AKAP13: variants seen among roughly 807,000 people sequenced by gnomAD.
AKAP13 encodes the protein A-kinase anchor protein 13.
AKAP13 carries 80 observed loss-of-function variants against 264.5 expected under a neutral mutation model. The observed-to-expected ratio is 0.30, with a 90% CI of 0.25 to 0.36. The LOEUF is 0.36. Ranked by LOEUF, AKAP13 falls within the 10% of genes least tolerant of loss-of-function variation. The pLI, the probability that AKAP13 is intolerant of heterozygous loss-of-function variation, is 1.00. For synonymous variants in AKAP13, 1,380 were observed against 1,250.2 expected (o/e 1.10, Z -2.19); for missense variants, 3,712 against 3,435.2 (o/e 1.08, Z -2.01).
intron 1 of AKAP13, among the ~76,000 whole-genome samples, chr15:85,411,887 A>C (rs781509150): frequency 1.3e-5 from 2 of 152,220 alleles, no homozygotes; most frequent in Non-Finnish European, 2.9e-5. Context: ...CTTTGTTGCC[A>C]GTGATAAAAT....
chr15:85,489,578 CT>C (rs2075667324), intron 2 of AKAP13, among the ~76,000 whole-genome samples: 1 of 152,138 alleles, frequency 6.6e-6, no homozygotes, highest in Admixed American at 6.6e-5. Flanking sequence ...AGAACAAAGA[CT>C]GTGAAGATTT....
chr15:85,448,450 T>A (rs2150972653), intron 1 of AKAP13, among the ~76,000 whole-genome samples: 1 of 152,320 alleles, frequency 6.6e-6, no homozygotes, highest in Non-Finnish European at 1.5e-5. Context: ...CGTTCCTAAG[T>A]CCAGGATGAT....
At chr15:85,564,342 G>C (rs553214548) in intron 5 of AKAP13, among the ~76,000 whole-genome samples, 2 of 152,238 alleles carry the variant, frequency 1.3e-5, no homozygotes, top group African/African-American at 4.8e-5. Flanking sequence ...TGCTTTATCT[G>C]TGTGTGTATA....
At chr15:85,652,882 T>C (rs2082922581) in intron 10 of AKAP13, among the ~76,000 whole-genome samples, 1 of 152,200 alleles carries the variant, frequency 6.6e-6, no homozygotes, top group African/African-American at 2.4e-5. Flanking sequence ...ACACCATTTG[T>C]GTTGGGATCT....
chr15:85,454,818 C>G (rs2074227846), intron 1 of AKAP13, among the ~76,000 whole-genome samples: 1 of 152,158 alleles, frequency 6.6e-6, no homozygotes, highest in Non-Finnish European at 1.5e-5. Flanking sequence ...TATCTTGACC[C>G]AAATTTCGTA....
intron 9 of AKAP13, among the ~76,000 whole-genome samples, chr15:85,643,537 C>A (rs1168312880): frequency 6.6e-6 from 1 of 152,186 alleles, no homozygotes; most frequent in African/African-American, 2.4e-5. Flanking sequence ...GGCATAAAAT[C>A]TAATAATCAA....
intron 1 of AKAP13, among the ~76,000 whole-genome samples, chr15:85,451,584 C>T (rs72754509): frequency 0.011 from 1,602 of 152,284 alleles, 13 homozygotes; most frequent in Middle Eastern, 0.017. Flanking sequence ...TGAAGTCTCT[C>T]GACATTTGCT....
chr15:85,693,512 T>G, intron 17 of AKAP13, 61 bp downstream of exon 17: 2 of 1,584,424 alleles, frequency 1.3e-6, no homozygotes, highest in Non-Finnish European at 1.7e-6. Flanking sequence ...AAAGCTCATT[T>G]CTTGTTTCCT....
At position 85,519,792 on chromosome 15, in the gene AKAP13, G is replaced by C. The variant is rs145144472; in HGVS notation, c.34-1636G>C. On this transcript the variant is annotated intron_variant, in intron 2 of 36. Coordinates refer to ENST00000394518, the MANE Select transcript of AKAP13 (RefSeq NM_007200.5). ...TAGACCTGGTTCCTAGGTTTGACTT[G>C]ATGATTTTTGCTTTTTAGTGTTTAG... Among the ~76,000 whole-genome samples the C allele has an allele frequency of 1.6e-4, 24 of 152,288 alleles. No homozygotes were observed. The East Asian group carries it at 3.5e-3, about 22-fold the overall frequency.
intron 5 of AKAP13, 124 bp from the exon 6 acceptor site, chr15:85,575,007 A>G (rs775269692): frequency 3.8e-6 from 3 of 789,000 alleles, no homozygotes; most frequent in South Asian, 3.3e-5. Context: ...AGGTATATAT[A>G]CTAATTTTTG....
intron 34 of AKAP13, 96 bp from the exon 35 acceptor site, chr15:85,740,950 A>G (rs888860138): frequency 9.9e-6 from 15 of 1,507,598 alleles, no homozygotes; most frequent in Non-Finnish European, 1.2e-5. Flanking sequence ...AGTCCGTCAT[A>G]GTGCCTGGTG....
chr15:85,509,923 A>G (rs1002309236), intron 2 of AKAP13, among the ~76,000 whole-genome samples: 4 of 152,192 alleles, frequency 2.6e-5, no homozygotes, highest in African/African-American at 7.2e-5. Flanking sequence ...ACTGGTTGCA[A>G]ATATCATTTC....
At position 85,743,811 on chromosome 15, in the gene AKAP13, G is replaced by T. The variant is rs368581372; in HGVS notation, c.8378G>T (p.Arg2793Leu). 5.0e-6 allele frequency: 8 copies of T among 1,610,326 alleles called. No individual in the cohort carries two copies. Among genetic ancestry groups the T allele is most frequent in the Non-Finnish European group, 4.2e-6 (5 of 1,178,496 alleles). ...AAAAAAAAGAAGAACAAAACCAGCC[G>T]CTCTCAGCCCGGTGGTGAGTCACGC... is the stretch of plus-strand genomic sequence containing the variant. ...KEKKKKNKTS[R>L]SQPGDGPASE... Residue 2793 changes from arginine (R) to leucine (L), a missense_variant, in exon 36 of 37, where the codon CGC becomes CTC. This residue lies in a region of AKAP13 where 611 missense variants were observed against 539.3 expected (regional missense o/e 1.13). Transcript: ENST00000394518.
At chr15:85,417,840 A>G (rs2072314295) in intron 1 of AKAP13, among the ~76,000 whole-genome samples, 1 of 152,144 alleles carries the variant, frequency 6.6e-6, no homozygotes, top group South Asian at 2.1e-4. Context: ...AGTACTGGTA[A>G]TTGAACCTAG....
At chr15:85,741,810 C>T (rs1380367095) in intron 35 of AKAP13, among the ~76,000 whole-genome samples, 4 of 151,806 alleles carry the variant, frequency 2.6e-5, no homozygotes, top group African/African-American at 4.8e-5. Flanking sequence ...CTTGGGAGGC[C>T]GAGGCAGGTG....
At chr15:85,494,209 C>T (rs995429055) in intron 2 of AKAP13, among the ~76,000 whole-genome samples, 1 of 152,164 alleles carries the variant, frequency 6.6e-6, no homozygotes, top group African/African-American at 2.4e-5. Flanking sequence ...TCACCACTCC[C>T]ACACTCTAAG....
chr15:85,737,931 T>A (rs887031320), intron 33 of AKAP13, among the ~76,000 whole-genome samples: 3 of 152,106 alleles, frequency 2.0e-5, no homozygotes, highest in Admixed American at 1.3e-4. Flanking sequence ...GAGTCACTGC[T>A]CCTGGCCTTG....
intron 8 of AKAP13, chr15:85,619,855 A>C: frequency 1.5e-6 from 2 of 1,377,858 alleles, no homozygotes; most frequent in Non-Finnish European, 1.9e-6. Flanking sequence ...TCATCTTTCC[A>C]GCACTCTGAA....
At chr15:85,552,659 G>A (rs372413422) in intron 5 of AKAP13, among the ~76,000 whole-genome samples, 1 of 121,910 alleles carries the variant, frequency 8.2e-6, no homozygotes, top group African/African-American at 3.2e-5. Context: ...ACGGAGTCTC[G>A]TTCTGTCACC....
Sources: gnomAD v4.1 joint callset for allele counts (sites outside exome capture counted in the v4.1 genomes callset) on GRCh38, gnomAD v4.1.1 for gene constraint, gnomAD v4.1.1 regional missense constraint, MANE v1.5 for transcripts, NCBI Gene and HGNC (gene_info 2026-07-23, HGNC 2026-07-21) for gene names.